MACROD1: variants seen among roughly 807,000 people sequenced by gnomAD.
MACROD1 encodes the protein ADP-ribose glycohydrolase MACROD1.
In MACROD1, 31 loss-of-function variants were observed where a neutral mutation model predicts 41.4. The observed-to-expected ratio is 0.75, with a 90% CI of 0.56 to 1.01. MACROD1 has a LOEUF of 1.01. Among genes scored for constraint, MACROD1 ranks in the 50% least tolerant of loss-of-function variants. The pLI is 0.00. For missense variants in MACROD1, 473 were observed against 460.0 expected (o/e 1.03, Z -0.26); for synonymous variants, 252 against 203.4 (o/e 1.24, Z -2.03).
At chr11:64,129,604 C>T (rs1945236559) in intron 3 of MACROD1, among the ~76,000 whole-genome samples, 1 of 152,152 alleles carries the variant, frequency 6.6e-6, no homozygotes, top group African/African-American at 2.4e-5. Context: ...GCAGGGAGGC[C>T]CAGGTTCTTG....
Position 64,165,945 on chromosome 11 carries a change from G to T in MACROD1, c.50C>A (p.Ala17Glu). 2 of 1,316,464 alleles carry T rather than the reference G, an allele frequency of 1.5e-6. No individual in the cohort carries two copies. The highest frequency in any genetic ancestry group is 1.9e-6 in the Non-Finnish European group (2 of 1,039,952). 81.5% of individuals were successfully genotyped at this position (1,316,464 alleles called of 1,614,324 possible). Reference sequence around the variant, plus strand: ...GCGCGGGGGGACGAGCAGCTGCCCCGCCGCGCGCAGCTGTGCCAGGCGGCC... The same window carrying T: ...GCGCGGGGGGACGAGCAGCTGCCCCTCCGCGCGCAGCTGTGCCAGGCGGCC... ...LSGRLAQLRAAGQLLVPPRPR... is the reference protein window; with the variant it reads ...LSGRLAQLRAEGQLLVPPRPR... Residue 17 changes from alanine (A) to glutamate (E), a missense_variant, in exon 1 of 11, where the codon GCG (alanine) becomes GAG (glutamate). Ala to Glu is a moderately radical substitution (Grantham distance 107). Coordinates refer to ENST00000255681, the MANE Select transcript of MACROD1 (RefSeq NM_014067.4).
chr11:64,152,589 G>C (rs917859588), intron 1 of MACROD1, among the ~76,000 whole-genome samples, 196 bp from the exon 2 acceptor site: 2 of 152,236 alleles, frequency 1.3e-5, no homozygotes, highest in Admixed American at 1.3e-4. Context: ...TCTTTGTTCA[G>C]GGAGGGAAAC....
chr11:64,134,078 G>A (rs1385479000), intron 3 of MACROD1, among the ~76,000 whole-genome samples: 3 of 152,218 alleles, frequency 2.0e-5, no homozygotes, highest in African/African-American at 7.2e-5. Context: ...GTAGGAGAGG[G>A]AATGAATGAA....
chr11:64,086,813 C>G (rs1944403906), intron 3 of MACROD1: 1 of 152,356 alleles, frequency 6.6e-6, no homozygotes, highest in South Asian at 2.1e-4. Context: ...GCTCCTCCAA[C>G]TAGCCCGTGA....
intron 3 of MACROD1, among the ~76,000 whole-genome samples, chr11:64,066,226 G>A (rs1486359592): frequency 6.7e-6 from 1 of 150,208 alleles, no homozygotes; most frequent in Non-Finnish European, 1.5e-5. Context: ...GAACCTGGGA[G>A]GCGGAGGTTG....
rs979941149 is a variant in MACROD1 at position 64,096,340 on chromosome 11, C to A, written c.517+54899G>T. On this transcript the variant is annotated intron_variant, in intron 3 of 10. Coordinates refer to ENST00000255681, the MANE Select transcript of MACROD1 (RefSeq NM_014067.4). The surrounding 1 kb of genome is among the most constrained non-coding windows in gnomAD (Gnocchi z 4.6). ...GAGCTTCCTCTAGGCTGGACACGGT[C>A]CCTAATGGGCACGGGCGACGCATTA... 2.0e-5 allele frequency among the ~76,000 whole-genome samples: 3 copies of A among 152,192 alleles called. No homozygotes were observed. The highest frequency in any genetic ancestry group is 4.4e-5 in the Non-Finnish European group (3 of 68,024).
At chr11:64,030,381 C>T (rs1943278841) in intron 3 of MACROD1, among the ~76,000 whole-genome samples, 1 of 152,208 alleles carries the variant, frequency 6.6e-6, no homozygotes, top group Non-Finnish European at 1.5e-5. Context: ...ATTCATTCAC[C>T]ACATTCACCA....
rs374548641 is a variant in MACROD1, at chr11:64,145,103, G to A, written c.517+6136C>T. ...GCTGCCGGTGCTTGGGAGGAGGGCG[G>A]TGATAAGCGGCCAGCAGATTCTCAC... On this transcript the variant is annotated intron_variant, in intron 3 of 10. Coordinates refer to ENST00000255681, the MANE Select transcript of MACROD1 (RefSeq NM_014067.4). Among the ~76,000 whole-genome samples, 66 of 152,358 alleles carry A rather than the reference G, an allele frequency of 4.3e-4. No individual in the cohort carries two copies. In the East Asian group the frequency reaches 0.011, roughly 26 times the overall value.
chr11:64,021,562 G>A (rs1012322550), intron 3 of MACROD1, among the ~76,000 whole-genome samples: 16 of 152,124 alleles, frequency 1.1e-4, no homozygotes, highest in African/African-American at 3.6e-4. Flanking sequence ...CAGCCCACCT[G>A]CATGTCCCTG....
intron 4 of MACROD1, among the ~76,000 whole-genome samples, chr11:64,002,379 TG>T (rs1316075071): frequency 6.6e-6 from 1 of 152,156 alleles, no homozygotes; most frequent in African/African-American, 2.4e-5. Context: ...GGGGCTGACC[TG>T]GGGGCGCAAG....
intron 3 of MACROD1, among the ~76,000 whole-genome samples, chr11:64,035,510 G>A (rs1464570781): frequency 2.0e-5 from 3 of 151,630 alleles, no homozygotes; most frequent in Non-Finnish European, 4.4e-5. Flanking sequence ...CCGCCTCCAC[G>A]GTGGAGGTTG....
Position 64,028,919 on chromosome 11 carries a change from G to C in MACROD1, c.518-13638C>G, listed in dbSNP as rs908962482. Among the ~76,000 whole-genome samples, 12 of 152,252 alleles carry C rather than the reference G, an allele frequency of 7.9e-5. 2 individuals carry two copies. The highest frequency in any genetic ancestry group is 7.2e-4 in the Admixed American group (11 of 15,296). The stretch of plus-strand genomic sequence containing the variant: ...TACTTCCCTGCCCCTGGAGCACCTA[G>C]GCCAGCAGGCGAGGGCAGGTGAGGG... On this transcript the variant is annotated intron_variant, in intron 3 of 10. Transcript: ENST00000255681.
At chr11:64,089,346 G>A (rs1043608841) in intron 3 of MACROD1, among the ~76,000 whole-genome samples, 8 of 152,136 alleles carry the variant, frequency 5.3e-5, no homozygotes, top group Non-Finnish European at 1.0e-4. Flanking sequence ...ACCCAAACTC[G>A]GTCAAAATAG....
At chr11:64,148,422 G>A (rs1030565568) in intron 3 of MACROD1, among the ~76,000 whole-genome samples, 1 of 152,164 alleles carries the variant, frequency 6.6e-6, no homozygotes, top group African/African-American at 2.4e-5. Context: ...TCCGGCGGGC[G>A]GCCAGATCTC....
chr11:64,008,484 G>T (rs1942951504), intron 4 of MACROD1, among the ~76,000 whole-genome samples: 1 of 151,478 alleles, frequency 6.6e-6, no homozygotes, highest in African/African-American at 2.4e-5. Flanking sequence ...CAGTGGAGGG[G>T]GTGTCGGAGG....
At chr11:64,065,998 T>C (rs1018233181) in intron 3 of MACROD1, among the ~76,000 whole-genome samples, 1 of 151,988 alleles carries the variant, frequency 6.6e-6, no homozygotes, top group African/African-American at 2.4e-5. Flanking sequence ...GCCAAGTGGC[T>C]ATAAAGATGA....
intron 3 of MACROD1, among the ~76,000 whole-genome samples, chr11:64,097,171 A>G (rs1944591626): frequency 6.6e-6 from 1 of 152,216 alleles, no homozygotes; most frequent in Non-Finnish European, 1.5e-5. Flanking sequence ...CCCCCTCTGC[A>G]GCATCCTGAG....
intron 3 of MACROD1, chr11:64,060,534 G>C (rs1943879366): frequency 6.6e-6 from 1 of 152,222 alleles, no homozygotes; most frequent in Non-Finnish European, 1.5e-5. Flanking sequence ...TGTGCTGTGA[G>C]GGGTACCCAG....
intron 4 of MACROD1, among the ~76,000 whole-genome samples, chr11:64,013,449 C>A (rs376992839): frequency 6.6e-6 from 1 of 152,164 alleles, no homozygotes; most frequent in East Asian, 1.9e-4. Flanking sequence ...GGCAAAGGCC[C>A]GGAGGCAGGA....
Sources: allele counts gnomAD v4.1 joint callset (sites outside exome capture counted in the v4.1 genomes callset), GRCh38; gene constraint gnomAD v4.1.1; non-coding constraint Gnocchi (gnomAD v3.1); transcripts MANE v1.5; gene names NCBI Gene and HGNC (gene_info 2026-07-23, HGNC 2026-07-21).